CSMD2: variants seen among roughly 807,000 people sequenced by gnomAD.
CSMD2 encodes CUB and Sushi multiple domains 2, also known as CUB and sushi domain-containing protein 2.
In CSMD2, 130 loss-of-function variants were observed where a neutral mutation model predicts 398.5. That is an observed-to-expected ratio of 0.33 (90% CI 0.28 to 0.38). The LOEUF is 0.38. CSMD2 is among the 10% of genes least tolerant of loss of function. CSMD2 has a pLI of 1.00. For synonymous variants in CSMD2, 1,828 were observed against 1,908.5 expected, an observed-to-expected ratio of 0.96 and a Z score of 1.10; for missense variants, 3,829 against 4,764.9, an observed-to-expected ratio of 0.80 and a Z score of 5.78.
At chr1:33,674,316 T>C (rs1371311757) in intron 25 of CSMD2, among the ~76,000 whole-genome samples, 1 of 152,028 alleles carries the variant, frequency 6.6e-6, no homozygotes, top group Non-Finnish European at 1.5e-5. Flanking sequence ...TCCTAGTCTC[T>C]GATAAAACAG....
At chr1:33,738,920 G>A (rs1221864262) in intron 15 of CSMD2, among the ~76,000 whole-genome samples, 4 of 152,190 alleles carry the variant, frequency 2.6e-5, no homozygotes, top group African/African-American at 4.8e-5. Flanking sequence ...ATCCAGAGCC[G>A]TTTCTCTACT....
At chr1:34,039,360 G>T (rs572032603) in intron 2 of CSMD2, among the ~76,000 whole-genome samples, 39 of 152,290 alleles carry the variant, frequency 2.6e-4, no homozygotes, top group African/African-American at 9.1e-4. Flanking sequence ...CCGCAGCCAC[G>T]GTCTCTGAGC....
chr1:33,605,298 G>A lies in CSMD2; in HGVS notation c.6516C>T (p.Pro2172=), dbSNP rs142108225. The A allele has an allele frequency of 1.9e-6, 3 of 1,614,132 alleles. No homozygotes were observed. In the Admixed American group the frequency reaches 5.0e-5, roughly 27 times the overall value. ...QHGTNRNWDH[P]LPKCEVPCGG... is the part of the protein sequence containing the mutation. The stretch of plus-strand genomic sequence containing the variant: ...GCGACATACCTTCACACTTGGGCAG[G>A]GGGTGGTCCCAGTTCCGGTTGGTGC... The change falls in exon 42 of 71, where the codon CCC becomes CCT. Residue 2172 remains proline, a synonymous_variant. Coordinates refer to ENST00000373381, the MANE Select transcript of CSMD2 (RefSeq NM_001281956.2).
In CSMD2 at chr1:33,533,329, T is replaced by C; in HGVS notation, c.9992-100A>G. 1 of 1,029,114 alleles carries C rather than the reference T, an allele frequency of 9.7e-7. No homozygotes were observed. The highest frequency in any genetic ancestry group is 2.6e-5 in the East Asian group (1 of 38,418). 63.7% of individuals were successfully genotyped at this position (1,029,114 alleles called of 1,614,324 possible). ...TCCTAGATAGAATATCCTCTTCCTTTCCCTTCCAGTCCCTTTCATGCCAAG... is the reference window on the plus strand; with the variant it reads ...TCCTAGATAGAATATCCTCTTCCTTCCCCTTCCAGTCCCTTTCATGCCAAG... On this transcript the variant is annotated intron_variant, in intron 63 of 70. Transcript: ENST00000373381. This position sits in a 1 kb window ranked among gnomAD's most constrained non-coding sequence, Gnocchi z 4.2.
chr1:34,036,417 A>C (rs535070421), intron 2 of CSMD2, among the ~76,000 whole-genome samples: 1 of 152,248 alleles, frequency 6.6e-6, no homozygotes, highest in South Asian at 2.1e-4. Context: ...GCTAATCTCA[A>C]AAGATCACAT....
At chr1:33,680,917 G>A (rs1303701650) in intron 25 of CSMD2, among the ~76,000 whole-genome samples, 3 of 54,296 alleles carry the variant, frequency 5.5e-5, no homozygotes, top group Non-Finnish European at 1.0e-4. Flanking sequence ...CCTGTTTTAT[G>A]CTTTTTTTTT....
At chr1:33,804,645 A>G in intron 10 of CSMD2, 1 of 712,034 alleles carries the variant, frequency 1.4e-6, no homozygotes, top group Non-Finnish European at 2.6e-6. Context: ...ATGAATGCTC[A>G]TCTCATAAAA....
In CSMD2 at chr1:33,636,262, G is replaced by T; in HGVS notation, c.4969+98C>A. On this transcript the variant is annotated intron_variant, in intron 30 of 70. Transcript: ENST00000373381. This position sits in a 1 kb window ranked among gnomAD's most constrained non-coding sequence, Gnocchi z 4.8. ...TGCCAGGCTTGGAGGAGCCGGGCTT[G>T]AGGACCTTGCCCCCCTCCCTTCCCC... The T allele has an allele frequency of 8.1e-7, 1 of 1,227,584 alleles. No homozygotes were observed. Among genetic ancestry groups the T allele is most frequent in the African/African-American group, 1.5e-5 (1 of 66,032 alleles). The allele number at this position is 1,227,584 out of a possible 1,614,324, so 76.0% of individuals were successfully genotyped here. A position where few individuals can be genotyped will look rare whatever the true frequency, so the allele number is the denominator to read the frequency against.
chr1:33,546,712 A>G (rs892627390), intron 56 of CSMD2, among the ~76,000 whole-genome samples: 1 of 148,740 alleles, frequency 6.7e-6, no homozygotes, highest in African/African-American at 2.5e-5. Context: ...AATCTTAACA[A>G]TCACTAACCA....
intron 25 of CSMD2, among the ~76,000 whole-genome samples, chr1:33,682,953 TC>T (rs1159397977): frequency 6.6e-6 from 1 of 152,184 alleles, no homozygotes; most frequent in Non-Finnish European, 1.5e-5. Flanking sequence ...CCCCACCTTT[TC>T]CCCAGGGGAG....
chr1:33,844,357 G>A (rs1215925969), intron 6 of CSMD2, among the ~76,000 whole-genome samples: 1 of 152,148 alleles, frequency 6.6e-6, no homozygotes, highest in Non-Finnish European at 1.5e-5. Context: ...GCATCTAATG[G>A]GCAGAGGCCA....
intron 1 of CSMD2, among the ~76,000 whole-genome samples, chr1:34,140,057 TC>T: frequency 6.6e-6 from 1 of 152,264 alleles, no homozygotes; most frequent in East Asian, 1.9e-4. Context: ...CCAGGCAAAG[TC>T]CCTGACCTCC....
At position 33,635,072 on chromosome 1, in the gene CSMD2, C is replaced by A. The variant is rs978005269; in HGVS notation, c.5086+142G>T. 1.7e-6 allele frequency: 1 copy of A among 600,786 alleles called. No homozygotes were observed. Among genetic ancestry groups the A allele is most frequent in the Non-Finnish European group, 3.1e-6 (1 of 324,862 alleles). 37.2% of individuals were successfully genotyped at this position (600,786 alleles called of 1,614,324 possible). ...GCAGCCCGTTTGAGAAACGTCAGCA[C>A]TCGGCCGTCCTTTTGGGGAGACTGT... On this transcript the variant is annotated intron_variant, in intron 31 of 70. Coordinates refer to ENST00000373381, the MANE Select transcript of CSMD2 (RefSeq NM_001281956.2). The surrounding 1 kb of genome is among the most constrained non-coding windows in gnomAD (Gnocchi z 5.0).
At chr1:33,784,030 G>A (rs1416938731) in intron 12 of CSMD2, among the ~76,000 whole-genome samples, 1 of 151,426 alleles carries the variant, frequency 6.6e-6, no homozygotes, top group Non-Finnish European at 1.5e-5. Context: ...AGACTATACA[G>A]GTGGGTGGGT....
At chr1:33,644,580 G>A (rs566487036) in intron 29 of CSMD2, among the ~76,000 whole-genome samples, 3 of 152,256 alleles carry the variant, frequency 2.0e-5, no homozygotes, top group East Asian at 3.9e-4. Context: ...CAGCTGTGTG[G>A]GTGTGGGTTC....
intron 44 of CSMD2, chr1:33,600,407 C>T: frequency 1.7e-6 from 1 of 574,466 alleles, no homozygotes; most frequent in Non-Finnish European, 3.1e-6. Context: ...GGCATACCTA[C>T]TCTGAATTGT....
Position 33,725,410 on chromosome 1 carries a change from G to A in CSMD2, c.2634C>T (p.Leu878=). 6.2e-7 allele frequency: 1 copy of A among 1,614,180 alleles called. No homozygotes were observed. The highest frequency in any genetic ancestry group is 8.5e-7 in the Non-Finnish European group (1 of 1,180,008). The change falls in exon 17 of 71, where the codon CTC becomes CTT. Residue 878 remains leucine, a synonymous_variant. Transcript: ENST00000373381. ...TCTTGTCGGTAGAGAAGAGGAGGTAGAGGTAGTTGCTGGTGCTGATGAGGA... is the reference window on the plus strand; with the variant it reads ...TCTTGTCGGTAGAGAAGAGGAGGTAAAGGTAGTTGCTGGTGCTGATGAGGA... ...PQFLISTSNY[L]YLLFSTDKSH...
At chr1:33,589,082 C>T (rs369885421) in intron 44 of CSMD2, among the ~76,000 whole-genome samples, 23 of 152,294 alleles carry the variant, frequency 1.5e-4, no homozygotes, top group East Asian at 5.8e-4. Context: ...TGAAATGTAT[C>T]GTACTGAGAG....
At chr1:34,031,763 G>C (rs1570881768) in intron 3 of CSMD2, among the ~76,000 whole-genome samples, 1 of 56,392 alleles carries the variant, frequency 1.8e-5, no homozygotes, top group Non-Finnish European at 3.1e-5. Flanking sequence ...CAAAGGCAAA[G>C]GCAAAAAAAA....
Sources: gnomAD v4.1 joint callset for allele counts (sites outside exome capture counted in the v4.1 genomes callset) on GRCh38, gnomAD v4.1.1 for gene constraint, Gnocchi (gnomAD v3.1) non-coding constraint, MANE v1.5 for transcripts, NCBI Gene and HGNC (gene_info 2026-07-23, HGNC 2026-07-21) for gene names.